AKAP6: variants seen among roughly 807,000 people sequenced by gnomAD.
AKAP6 encodes the protein A-kinase anchoring protein 6.
In AKAP6, 58 loss-of-function variants were observed where a neutral mutation model predicts 188.5. The observed-to-expected ratio is 0.31, with a 90% CI of 0.25 to 0.38. AKAP6 has a LOEUF of 0.38. Ranked by LOEUF, AKAP6 falls within the 10% of genes least tolerant of loss-of-function variation. The pLI, the probability that AKAP6 is intolerant of heterozygous loss-of-function variation, is 1.00. For synonymous variants in AKAP6, 989 were observed against 998.6 expected, an observed-to-expected ratio of 0.99 and a Z score of 0.18; for missense variants, 2,710 against 2,740.0, an observed-to-expected ratio of 0.99 and a Z score of 0.24.
At chr14:32,446,018 C>T (rs892255713) in intron 2 of AKAP6, among the ~76,000 whole-genome samples, 15 of 152,106 alleles carry the variant, frequency 9.9e-5, no homozygotes, top group Admixed American at 2.0e-4. Flanking sequence ...GAGAAAGCCT[C>T]ACCTCAAAAG....
rs543981080 is a variant in AKAP6, at chr14:32,741,144, G to T, written c.3372+5262G>T. Among the ~76,000 whole-genome samples, 4 of 151,064 alleles carry T rather than the reference G, an allele frequency of 2.6e-5. No homozygotes were observed. The South Asian group carries it at 6.3e-4, about 24-fold the overall frequency. ...AATTTTATTTTAGGCTATTGTAAAT[G>T]GTATCACTTTTATTAATCTCTTTTT... On this transcript the variant is annotated intron_variant, in intron 11 of 13. Coordinates refer to ENST00000280979, the MANE Select transcript of AKAP6 (RefSeq NM_004274.5).
chr14:32,595,392 A>G (rs547163823), intron 5 of AKAP6, among the ~76,000 whole-genome samples: 122 of 152,248 alleles, frequency 8.0e-4, no homozygotes, highest in African/African-American at 2.9e-3. Context: ...AGGCCCGTGT[A>G]CAAATCAGTT....
intron 11 of AKAP6, among the ~76,000 whole-genome samples, chr14:32,762,035 A>G (rs2032557028): frequency 6.6e-6 from 1 of 152,192 alleles, no homozygotes. Flanking sequence ...ATGGCAATTA[A>G]TGCTTATCTG....
chr14:32,361,755 G>T (rs1887672112), intron 1 of AKAP6, among the ~76,000 whole-genome samples: 1 of 152,108 alleles, frequency 6.6e-6, no homozygotes, highest in South Asian at 2.1e-4. Context: ...AAAATAATTT[G>T]ATTTCTGTTT....
intron 11 of AKAP6, among the ~76,000 whole-genome samples, chr14:32,749,525 C>T (rs1185230767): frequency 6.6e-6 from 1 of 152,144 alleles, no homozygotes. Context: ...TTGTAATATT[C>T]AGCACAGACA....
intron 7 of AKAP6, among the ~76,000 whole-genome samples, chr14:32,623,147 A>G (rs1862729111): frequency 6.6e-6 from 1 of 152,196 alleles, no homozygotes; most frequent in African/African-American, 2.4e-5. Flanking sequence ...TTTAAGCTCC[A>G]GCATTAAACC....
intron 2 of AKAP6, among the ~76,000 whole-genome samples, chr14:32,522,643 C>G (rs900301866): frequency 6.6e-6 from 1 of 152,152 alleles, no homozygotes; most frequent in African/African-American, 2.4e-5. Context: ...CAATGAGATA[C>G]CATCTCACAC....
At position 32,401,035 on chromosome 14, in the gene AKAP6, A is replaced by G. The variant is rs140266777; in HGVS notation, c.-34-32425A>G. ...TTTACCTCAATCTTGAGAAAAAGGC[A>G]TAGAAAAAAATGGTTCTGTTTTCCT... On this transcript the variant is annotated intron_variant, in intron 1 of 13. Transcript: ENST00000280979. Among the ~76,000 whole-genome samples, 157 of 152,310 alleles carry G rather than the reference A, an allele frequency of 1.0e-3. 1 individual carries two copies. The highest frequency in any genetic ancestry group is 3.6e-3 in the African/African-American group (150 of 41,576).
chr14:32,497,240 TC>T (rs1258430189), intron 2 of AKAP6, among the ~76,000 whole-genome samples: 5 of 152,142 alleles, frequency 3.3e-5, no homozygotes, highest in Admixed American at 3.3e-4. Context: ...TTGAAACCTT[TC>T]CTCATGTTTA....
At chr14:32,388,246 G>T (rs987926735) in intron 1 of AKAP6, among the ~76,000 whole-genome samples, 3 of 151,828 alleles carry the variant, frequency 2.0e-5, no homozygotes, top group Non-Finnish European at 4.4e-5. Flanking sequence ...TCTTTTCTTG[G>T]TTAATCTTGC....
At chr14:32,653,548 C>T (rs1888318422) in intron 7 of AKAP6, among the ~76,000 whole-genome samples, 1 of 152,106 alleles carries the variant, frequency 6.6e-6, no homozygotes, top group South Asian at 2.1e-4. Flanking sequence ...CTGAGGCCTC[C>T]TTAGAAGCTG....
intron 4 of AKAP6, among the ~76,000 whole-genome samples, chr14:32,565,148 G>A (rs1394222387): frequency 1.3e-5 from 2 of 152,052 alleles, no homozygotes; most frequent in East Asian, 3.8e-4. Context: ...AGTACACCCT[G>A]TATGTTGCTT....
intron 7 of AKAP6, among the ~76,000 whole-genome samples, chr14:32,668,941 T>A (rs79742519): frequency 6.6e-6 from 1 of 151,618 alleles, no homozygotes; most frequent in Middle Eastern, 3.4e-3. Context: ...GATATTTACA[T>A]TTTTTAATAC....
At chr14:32,457,057 G>C (rs1233348530) in intron 2 of AKAP6, among the ~76,000 whole-genome samples, 1 of 152,128 alleles carries the variant, frequency 6.6e-6, no homozygotes, top group Non-Finnish European at 1.5e-5. Context: ...AAGGTAGCTA[G>C]CATCTCTTAT....
intron 12 of AKAP6, among the ~76,000 whole-genome samples, chr14:32,801,586 T>A (rs931901089): frequency 1.3e-5 from 2 of 152,236 alleles, no homozygotes; most frequent in African/African-American, 4.8e-5. Context: ...ACCTTATTTA[T>A]TTCTTCTCTG....
At chr14:32,549,013 G>A (rs1254719169) in intron 4 of AKAP6, among the ~76,000 whole-genome samples, 4 of 152,104 alleles carry the variant, frequency 2.6e-5, no homozygotes, top group African/African-American at 9.7e-5. Context: ...ATAACCTGGA[G>A]GAAGAAAATG....
chr14:32,609,473 G>C (rs1594780126), intron 7 of AKAP6, among the ~76,000 whole-genome samples: 1 of 152,102 alleles, frequency 6.6e-6, no homozygotes, highest in African/African-American at 2.4e-5. Flanking sequence ...GTCCCGCCGG[G>C]CAGAGCTCAG....
Position 32,821,573 on chromosome 14 carries a change from A to G in AKAP6, c.3760A>G (p.Thr1254Ala). The G allele has an allele frequency of 6.2e-7, 1 of 1,613,744 alleles. No homozygotes were observed. Among genetic ancestry groups the G allele is most frequent in the Non-Finnish European group, 8.5e-7 (1 of 1,179,848 alleles). The change falls in exon 13 of 14, where the codon ACA becomes GCA. Residue 1254 changes from threonine (T) to alanine (A), a missense_variant. Coordinates refer to ENST00000280979, the MANE Select transcript of AKAP6 (RefSeq NM_004274.5). The stretch of plus-strand genomic sequence containing the variant: ...TATCCCTTCCTTGAAGCTTGGAGAG[A>G]CAAGTAATGAGGACCCTGGTTATGA... The part of the protein sequence containing the change: ...PVIPSLKLGE[T>A]SNEDPGYDEE...
chr14:32,818,883 G>A (rs2034452646), intron 12 of AKAP6, among the ~76,000 whole-genome samples: 1 of 152,138 alleles, frequency 6.6e-6, no homozygotes, highest in African/African-American at 2.4e-5. Flanking sequence ...TACAAAAAGA[G>A]CTCCTTTGAA....
Sources: allele counts gnomAD v4.1 joint callset (sites outside exome capture counted in the v4.1 genomes callset), GRCh38; gene constraint gnomAD v4.1.1; transcripts MANE v1.5; gene names NCBI Gene and HGNC (gene_info 2026-07-23, HGNC 2026-07-21).